Variants in FHIT observed in about 807,000 individuals in gnomAD.
FHIT encodes bis(5'-adenosyl)-triphosphatase.
A neutral mutation model predicts 17.9 loss-of-function variants in FHIT; 19 were observed. That is an observed-to-expected ratio of 1.06 (90% CI 0.74 to 1.56). The LOEUF (loss-of-function observed/expected upper bound fraction) is 1.56. Among genes scored for constraint, FHIT ranks in the 40% most tolerant of loss-of-function variants. FHIT has a pLI of 0.00. For missense variants in FHIT, 248 were observed against 189.2 expected (o/e 1.31, Z -1.82); for synonymous variants, 81 against 69.7 (o/e 1.16, Z -0.81).
chr3:59,872,047 T>C (rs1006972683), intron 8 of FHIT, among the ~76,000 whole-genome samples: 4 of 152,142 alleles, frequency 2.6e-5, no homozygotes, highest in African/African-American at 4.8e-5. Flanking sequence ...ATTATACTAA[T>C]CAATTACAGA....
intron 8 of FHIT, among the ~76,000 whole-genome samples, chr3:59,860,935 A>C (rs1702376699): frequency 6.6e-6 from 1 of 152,186 alleles, no homozygotes; most frequent in Non-Finnish European, 1.5e-5. Context: ...AGGTCCATAG[A>C]ACCCGAAAGA....
chr3:59,947,473 T>C (rs1706869452), intron 7 of FHIT, among the ~76,000 whole-genome samples: 1 of 152,212 alleles, frequency 6.6e-6, no homozygotes, highest in African/African-American at 2.4e-5. Flanking sequence ...ATGGTTTTGT[T>C]GATCTTTTGT....
At chr3:60,335,979 A>T (rs1018232856) in intron 5 of FHIT, among the ~76,000 whole-genome samples, 1 of 152,220 alleles carries the variant, frequency 6.6e-6, no homozygotes, top group Non-Finnish European at 1.5e-5. Flanking sequence ...GATCTGACAG[A>T]AAACATGAAA....
intron 8 of FHIT, among the ~76,000 whole-genome samples, chr3:59,794,015 C>A (rs1180461990): frequency 6.6e-6 from 1 of 152,106 alleles, no homozygotes; most frequent in African/African-American, 2.4e-5. Context: ...CCATTAATCT[C>A]ACTGCCACAT....
At chr3:60,469,973 C>A (rs979423013) in intron 5 of FHIT, among the ~76,000 whole-genome samples, 2 of 151,902 alleles carry the variant, frequency 1.3e-5, no homozygotes, top group Non-Finnish European at 2.9e-5. Context: ...CAGGCAGAGA[C>A]TCTTGTTCTC....
intron 1 of FHIT, among the ~76,000 whole-genome samples, chr3:61,220,545 C>T (rs2106821932): frequency 6.6e-6 from 1 of 152,174 alleles, no homozygotes; most frequent in East Asian, 1.9e-4. Flanking sequence ...CAGAATAATT[C>T]TTACTTTTGT....
chr3:60,419,267 CAT>C (rs1177828371), intron 5 of FHIT, among the ~76,000 whole-genome samples: 13 of 152,334 alleles, frequency 8.5e-5, no homozygotes, highest in Admixed American at 7.8e-4. Flanking sequence ...CCGTATAGCA[CAT>C]GCCTTAGCAA....
intron 4 of FHIT, among the ~76,000 whole-genome samples, chr3:60,752,652 T>A (rs1553717160): frequency 6.6e-6 from 1 of 152,204 alleles, no homozygotes; most frequent in Non-Finnish European, 1.5e-5. Context: ...AATGCTGCTG[T>A]TTCCAAATCC....
At chr3:60,663,587 C>G (rs1473826427) in intron 4 of FHIT, among the ~76,000 whole-genome samples, 1 of 152,010 alleles carries the variant, frequency 6.6e-6, no homozygotes, top group South Asian at 2.1e-4. Flanking sequence ...AGGCACCCAC[C>G]ACCATGCCCG....
intron 5 of FHIT, among the ~76,000 whole-genome samples, chr3:60,208,266 A>G (rs1220760585): frequency 2.0e-5 from 3 of 152,172 alleles, no homozygotes; most frequent in Non-Finnish European, 4.4e-5. Flanking sequence ...TTTTAATCAC[A>G]TTTTTATTGA....
chr3:60,474,604 G>A (rs949683057), intron 5 of FHIT, among the ~76,000 whole-genome samples: 7 of 151,582 alleles, frequency 4.6e-5, no homozygotes, highest in African/African-American at 1.7e-4. Flanking sequence ...TTTCACAAAT[G>A]TATTATTTTC....
intron 4 of FHIT, among the ~76,000 whole-genome samples, chr3:60,797,171 C>T (rs1300107156): frequency 6.6e-6 from 1 of 152,124 alleles, no homozygotes; most frequent in Non-Finnish European, 1.5e-5. Flanking sequence ...TTGGTGCTTG[C>T]CTCACATAGA....
intron 4 of FHIT, among the ~76,000 whole-genome samples, chr3:60,686,612 A>G (rs1553698520): frequency 6.6e-6 from 1 of 151,986 alleles, no homozygotes; most frequent in Non-Finnish European, 1.5e-5. Flanking sequence ...AAATTCACTG[A>G]CTGCTTTGGT....
At chr3:59,783,299 T>A (rs1702682996) in intron 8 of FHIT, among the ~76,000 whole-genome samples, 2 of 152,126 alleles carry the variant, frequency 1.3e-5, no homozygotes, top group Admixed American at 1.3e-4. Context: ...TGAAGCCCCT[T>A]CTCTGCTAAA....
At chr3:60,471,151 C>T (rs439087) in intron 5 of FHIT, among the ~76,000 whole-genome samples, 63,311 of 151,948 alleles carry the variant, frequency 0.42, 13,861 homozygotes, top group Middle Eastern at 0.57. Context: ...GAAGAAGGAG[C>T]TGCCTGGAGC....
chr3:61,241,098 T>C (rs1354979604), intron 1 of FHIT, among the ~76,000 whole-genome samples: 2 of 152,108 alleles, frequency 1.3e-5, no homozygotes, highest in African/African-American at 2.4e-5. Flanking sequence ...AATATTCCCC[T>C]CTCTCTCCAC....
chr3:61,054,257 T>G (rs980944370), intron 2 of FHIT, among the ~76,000 whole-genome samples: 3 of 152,342 alleles, frequency 2.0e-5, no homozygotes, highest in Admixed American at 1.3e-4. Flanking sequence ...GTTGTGCTAA[T>G]AAATTCCCCA....
intron 7 of FHIT, among the ~76,000 whole-genome samples, chr3:59,948,333 T>C: frequency 7.7e-6 from 1 of 129,392 alleles, no homozygotes; most frequent in Non-Finnish European, 1.6e-5. Flanking sequence ...TGAAACCCCG[T>C]CTCCACTAAA....
intron 5 of FHIT, among the ~76,000 whole-genome samples, chr3:60,350,996 T>C (rs762171450): frequency 1.3e-5 from 2 of 152,128 alleles, no homozygotes; most frequent in Non-Finnish European, 1.5e-5. Flanking sequence ...CTGAGGGAGC[T>C]TGGAAGTAGA....
Sources: gnomAD v4.1 joint callset for allele counts (sites outside exome capture counted in the v4.1 genomes callset) on GRCh38, gnomAD v4.1.1 for gene constraint, MANE v1.5 for transcripts, NCBI Gene and HGNC (gene_info 2026-07-23, HGNC 2026-07-21) for gene names.